The following KLF12 variants were observed in gnomAD, a reference collection of about 807,000 sequenced individuals.
KLF12 encodes the protein Krueppel-like factor 12.
KLF12 carries 9 observed loss-of-function variants against 37.8 expected under a neutral mutation model. The observed-to-expected ratio is 0.24, with a 90% confidence interval of 0.14 to 0.42. The LOEUF is 0.42. Ranked by LOEUF, KLF12 falls within the 10% of genes least tolerant of loss-of-function variation. The probability of loss-of-function intolerance (pLI) is 1.00; values close to 1 mark genes in which losing one functional copy is unlikely to be tolerated. For missense variants in KLF12, 411 were observed against 516.0 expected (o/e 0.80, Z 1.97); for synonymous variants, 208 against 202.1 (o/e 1.03, Z -0.25).
chr13:74,164,053 T>C, the KLF12 span, among the ~76,000 whole-genome samples: 5 of 152,226 alleles, frequency 3.3e-5, no homozygotes, highest in African/African-American at 1.2e-4. Context: ...TGCTTTCTAG[T>C]GAAAAGATTC....
At chr13:73,962,201 GA>G (rs1350804663) in intron 2 of KLF12, among the ~76,000 whole-genome samples, 2 of 152,102 alleles carry the variant, frequency 1.3e-5, no homozygotes, top group African/African-American at 4.8e-5. Context: ...GCATATTACT[GA>G]GTGAAAAATA....
At chr13:74,046,628 G>A (rs1011592987) in intron 1 of KLF12, among the ~76,000 whole-genome samples, 2 of 152,118 alleles carry the variant, frequency 1.3e-5, no homozygotes, top group African/African-American at 4.8e-5. Flanking sequence ...GAGAGTTACT[G>A]TAAGAGATTA....
chr13:74,231,834 C>T, the KLF12 span: 1 of 152,020 alleles, frequency 6.6e-6, no homozygotes, highest in Admixed American at 6.6e-5. Flanking sequence ...AATCTTTAAC[C>T]TGGAAATGAA....
Position 73,858,501 on chromosome 13 carries a change from C to T in KLF12, c.124-12128G>A, listed in dbSNP as rs111482198. Among the ~76,000 whole-genome samples, 970 of 152,212 alleles carry T rather than the reference C, an allele frequency of 6.4e-3. 9 individuals are homozygous for T. The highest frequency in any genetic ancestry group is 0.021 in the African/African-American group (885 of 41,538). On this transcript the variant is annotated intron_variant, in intron 3 of 7. Transcript: ENST00000377669. ...CTGCATTACCGGGTGATTTACTGGG[C>T]GAAGAATTTCATGTTCTAGAAACTA...
intron 6 of KLF12, among the ~76,000 whole-genome samples, chr13:73,733,225 G>A (rs367747794): frequency 5.0e-4 from 76 of 152,126 alleles, no homozygotes; most frequent in African/African-American, 1.8e-3. Flanking sequence ...TCACACTATT[G>A]TGTAACCATC....
At chr13:73,936,976 G>A (rs1889962829) in intron 3 of KLF12, among the ~76,000 whole-genome samples, 4 of 152,132 alleles carry the variant, frequency 2.6e-5, no homozygotes, top group Admixed American at 2.6e-4. Flanking sequence ...TGGATCACGA[G>A]GTCAGAAGAT....
the KLF12 span, among the ~76,000 whole-genome samples, chr13:74,182,747 C>T: frequency 1.3e-5 from 2 of 152,116 alleles, no homozygotes; most frequent in Non-Finnish European, 2.9e-5. Context: ...CAGAGCATTG[C>T]TTCCACAAAA....
chr13:73,939,218 T>A (rs1890083617), intron 3 of KLF12, among the ~76,000 whole-genome samples: 1 of 152,154 alleles, frequency 6.6e-6, no homozygotes, highest in African/African-American at 2.4e-5. Flanking sequence ...ACAGTGAGGG[T>A]GACTAAGAAA....
chr13:73,994,881 C>A, intron 2 of KLF12, 109 bp downstream of exon 2: 1 of 776,464 alleles, frequency 1.3e-6, no homozygotes, highest in African/African-American at 1.7e-5. Context: ...AAGTACTGAC[C>A]TCTGTCTCGT....
chr13:74,066,275 T>G (rs1310095705), intron 1 of KLF12, among the ~76,000 whole-genome samples: 1 of 152,242 alleles, frequency 6.6e-6, no homozygotes, highest in African/African-American at 2.4e-5. Context: ...CTTAAGCTAC[T>G]TGCTCTAAAA....
chr13:74,206,618 A>C, the KLF12 span, among the ~76,000 whole-genome samples: 2 of 152,156 alleles, frequency 1.3e-5, no homozygotes, highest in African/African-American at 4.8e-5. Context: ...TGCATTGCAG[A>C]TTTTATAACA....
chr13:73,850,471 T>C (rs778553650), intron 3 of KLF12, among the ~76,000 whole-genome samples: 19 of 152,216 alleles, frequency 1.2e-4, no homozygotes, highest in Non-Finnish European at 2.9e-5. Context: ...CTGAATTTTA[T>C]TACAGTCTGT....
chr13:73,783,023 C>G (rs932035905), intron 5 of KLF12, among the ~76,000 whole-genome samples: 2 of 152,206 alleles, frequency 1.3e-5, no homozygotes, highest in African/African-American at 4.8e-5. Context: ...CGGCTACACA[C>G]AGGCCTGCTC....
chr13:74,175,643 G>A, the KLF12 span, among the ~76,000 whole-genome samples: 1 of 152,206 alleles, frequency 6.6e-6, no homozygotes, highest in African/African-American at 2.4e-5. Context: ...CCACTGGGAG[G>A]TGCATATCTG....
At chr13:73,921,614 A>G (rs1889121093) in intron 3 of KLF12, among the ~76,000 whole-genome samples, 2 of 152,210 alleles carry the variant, frequency 1.3e-5, no homozygotes, top group Admixed American at 1.3e-4. Flanking sequence ...ATGCAATAAT[A>G]CATATTAATG....
intron 5 of KLF12, among the ~76,000 whole-genome samples, chr13:73,794,846 T>G (rs1566372649): frequency 6.6e-6 from 1 of 152,182 alleles, no homozygotes. Context: ...TCTTTGTAAA[T>G]AGCCCACAAA....
rs1555336662 is a variant in KLF12 at position 74,060,498 on chromosome 13, G to GTGTGTGTGTGTGTGTC, written c.-31-65446_-31-65445insGACACACACACACACA. ...ATACCTAGGTTTTGTGTGTGTGTGT[G>GTGTGTGTGTGTGTGTC]TGTGTGTGTGTGTGTGTGTGTGTGT... On this transcript the variant is annotated intron_variant, in intron 1 of 7. Coordinates refer to ENST00000377669, the MANE Select transcript of KLF12 (RefSeq NM_007249.5). 8.6e-4 allele frequency among the ~76,000 whole-genome samples: 126 copies of GTGTGTGTGTGTGTGTC among 145,830 alleles called. 1 individual carries two copies. Among genetic ancestry groups the GTGTGTGTGTGTGTGTC allele is most frequent in the Middle Eastern group, 3.5e-3 (1 of 284 alleles).
intron 3 of KLF12, among the ~76,000 whole-genome samples, chr13:73,918,122 C>CAG (rs377753257): frequency 1.2e-3 from 185 of 149,858 alleles, no homozygotes; most frequent in Middle Eastern, 6.9e-3. Context: ...TCTATGTATA[C>CAG]AGAGAGAGAG....
chr13:73,825,478 C>G (rs1316634210), intron 4 of KLF12, among the ~76,000 whole-genome samples: 1 of 152,240 alleles, frequency 6.6e-6, no homozygotes, highest in Non-Finnish European at 1.5e-5. Flanking sequence ...CTAGTCTTCT[C>G]TGCTTTCCCA....
Sources: gnomAD v4.1 joint callset for allele counts (sites outside exome capture counted in the v4.1 genomes callset) on GRCh38, gnomAD v4.1.1 for gene constraint, MANE v1.5 for transcripts, NCBI Gene and HGNC (gene_info 2026-07-23, HGNC 2026-07-21) for gene names.